Variants in NKAIN3 observed in about 807,000 individuals in gnomAD.
NKAIN3 encodes the protein sodium/potassium transporting ATPase interacting 3.
Under a neutral mutation model 30.2 loss-of-function variants are expected in NKAIN3, and 25 were observed. That is an observed-to-expected ratio of 0.83 (90% CI 0.60 to 1.16). NKAIN3 has a LOEUF of 1.16. Among genes scored for constraint, NKAIN3 ranks in the 50% most tolerant of loss-of-function variants. NKAIN3 has a pLI of 0.00. For missense variants in NKAIN3, 225 were observed against 254.1 expected (o/e 0.89, Z 0.78); for synonymous variants, 91 against 89.6 (o/e 1.02, Z -0.09).
intron 1 of NKAIN3, among the ~76,000 whole-genome samples, chr8:62,299,631 A>T (rs1292038896): frequency 6.6e-6 from 1 of 151,988 alleles, no homozygotes; most frequent in African/African-American, 2.4e-5. Flanking sequence ...TACACATTTG[A>T]TTGTAAATTT....
intron 5 of NKAIN3, among the ~76,000 whole-genome samples, chr8:62,932,921 G>A (rs1334956888): frequency 6.6e-6 from 1 of 151,366 alleles, no homozygotes; most frequent in African/African-American, 2.4e-5. Context: ...GGCATCCAGT[G>A]GTAGATAAAC....
chr8:62,901,476 T>C (rs1342579542), intron 4 of NKAIN3, among the ~76,000 whole-genome samples: 2 of 152,162 alleles, frequency 1.3e-5, no homozygotes, highest in African/African-American at 4.8e-5. Context: ...AGAAAGCTGA[T>C]ACTGTGGCCA....
intron 1 of NKAIN3, among the ~76,000 whole-genome samples, chr8:62,527,296 G>T (rs542339622): frequency 6.6e-6 from 1 of 152,210 alleles, no homozygotes; most frequent in East Asian, 1.9e-4. Context: ...TTGCTGTGAG[G>T]TTTACTGTTT....
At chr8:62,357,567 T>G in intron 1 of NKAIN3, among the ~76,000 whole-genome samples, 1 of 152,182 alleles carries the variant, frequency 6.6e-6, no homozygotes, top group East Asian at 1.9e-4. Flanking sequence ...AATGTGATAT[T>G]CCTAAATGAA....
intron 1 of NKAIN3, among the ~76,000 whole-genome samples, chr8:62,322,047 C>G (rs1313556534): frequency 1.3e-5 from 2 of 152,300 alleles, no homozygotes; most frequent in South Asian, 2.1e-4. Context: ...CCTCCCCCAG[C>G]CTCGCTGCCG....
At chr8:62,580,109 A>C (rs1437878813) in intron 2 of NKAIN3, among the ~76,000 whole-genome samples, 1 of 152,186 alleles carries the variant, frequency 6.6e-6, no homozygotes, top group African/African-American at 2.4e-5. Context: ...ACTGAAAACA[A>C]TAATGTATTT....
At chr8:62,925,903 G>C (rs981677142) in intron 5 of NKAIN3, among the ~76,000 whole-genome samples, 1 of 152,020 alleles carries the variant, frequency 6.6e-6, no homozygotes, top group South Asian at 2.1e-4. Flanking sequence ...CCCTCTACAC[G>C]AATGCCTGCC....
chr8:62,449,030 A>G (rs1805564861), intron 1 of NKAIN3, among the ~76,000 whole-genome samples: 1 of 151,988 alleles, frequency 6.6e-6, no homozygotes, highest in African/African-American at 2.4e-5. Flanking sequence ...TGCTAACTCA[A>G]AGATTTACTA....
intron 1 of NKAIN3, among the ~76,000 whole-genome samples, chr8:62,368,526 G>C (rs1006603725): frequency 7.2e-6 from 1 of 139,702 alleles, no homozygotes; most frequent in Non-Finnish European, 1.5e-5. Context: ...CAAAATGAAG[G>C]CACTGGTATT....
chr8:62,397,393 T>C (rs1215503579), intron 1 of NKAIN3, among the ~76,000 whole-genome samples: 3 of 152,104 alleles, frequency 2.0e-5, no homozygotes, highest in Non-Finnish European at 4.4e-5. Flanking sequence ...ATGTACTTTG[T>C]TTTCCTCAGG....
intron 1 of NKAIN3, among the ~76,000 whole-genome samples, chr8:62,548,391 A>G: frequency 6.6e-6 from 1 of 152,198 alleles, no homozygotes. Flanking sequence ...CCAAGCTATT[A>G]CTTCTCTGTC....
intron 6 of NKAIN3, among the ~76,000 whole-genome samples, chr8:62,961,590 T>G (rs1428126936): frequency 6.6e-6 from 1 of 152,244 alleles, no homozygotes; most frequent in East Asian, 1.9e-4. Context: ...TTTAAAACTT[T>G]TTTTAAAACA....
At chr8:62,798,160 A>G (rs1817925928) in intron 4 of NKAIN3, among the ~76,000 whole-genome samples, 1 of 152,124 alleles carries the variant, frequency 6.6e-6, no homozygotes, top group South Asian at 2.1e-4. Flanking sequence ...ATGTGAGAAA[A>G]GAGACCTTAT....
intron 3 of NKAIN3, among the ~76,000 whole-genome samples, chr8:62,668,784 A>T (rs533958155): frequency 3.2e-4 from 49 of 152,306 alleles, no homozygotes; most frequent in African/African-American, 1.1e-3. Context: ...TATTTTTAAA[A>T]TTTTAATCAG....
At chr8:62,686,135 T>G (rs889888332) in intron 3 of NKAIN3, among the ~76,000 whole-genome samples, 1 of 152,138 alleles carries the variant, frequency 6.6e-6, no homozygotes. Flanking sequence ...CCCAGTCTGC[T>G]CCTAGCAAAT....
In NKAIN3 at chr8:62,967,756, T is replaced by TG. The variant is rs1430257120; in HGVS notation, c.*2350dup. ...CAGTAAAAAAGGATAAAATGAGTAT[T>TG]GACATATTTTAAACTGTCACTTAAT... On this transcript the variant is annotated 3_prime_UTR_variant, in exon 7 of 7. Transcript: ENST00000623646. Among the ~76,000 whole-genome samples the TG allele has an allele frequency of 2.0e-5, 3 of 152,212 alleles. No homozygotes were observed. The highest frequency in any genetic ancestry group is 4.4e-5 in the Non-Finnish European group (3 of 68,040).
chr8:62,423,382 C>T (rs765988421), intron 1 of NKAIN3, among the ~76,000 whole-genome samples: 2 of 150,740 alleles, frequency 1.3e-5, no homozygotes, highest in Non-Finnish European at 3.0e-5. Context: ...AGCATGTGCC[C>T]TATAAAATCT....
rs180916135 is a variant in NKAIN3 at position 62,333,844 on chromosome 8, C to T, written c.54+84717C>T. Among the ~76,000 whole-genome samples the T allele has an allele frequency of 2.5e-3, 376 of 152,150 alleles. 2 individuals carry two copies. Among genetic ancestry groups the T allele is most frequent in the Non-Finnish European group, 3.5e-3 (239 of 67,976 alleles). On this transcript the variant is annotated intron_variant, in intron 1 of 6. Coordinates refer to ENST00000623646, the MANE Select transcript of NKAIN3 (RefSeq NM_001304533.3). The stretch of plus-strand genomic sequence containing the variant: ...CATTTTGGAGAATAATTACAGTTAT[C>T]CATCACCAAACTGCTGGCAAGTAGT...
chr8:62,442,390 A>T (rs1265385780), intron 1 of NKAIN3, among the ~76,000 whole-genome samples: 1 of 152,006 alleles, frequency 6.6e-6, no homozygotes, highest in Non-Finnish European at 1.5e-5. Flanking sequence ...GGATGCACAA[A>T]ACAGTAGTTT....
Sources: gnomAD v4.1 joint callset for allele counts (sites outside exome capture counted in the v4.1 genomes callset) on GRCh38, gnomAD v4.1.1 for gene constraint, MANE v1.5 for transcripts, NCBI Gene and HGNC (gene_info 2026-07-23, HGNC 2026-07-21) for gene names.